Variants in MTBP observed in about 807,000 individuals in gnomAD.
The protein encoded by MTBP is mdm2-binding protein.
Under a neutral mutation model 117.0 loss-of-function variants are expected in MTBP, and 101 were observed. That is an observed-to-expected ratio of 0.86 (90% CI 0.73 to 1.02). The LOEUF (loss-of-function observed/expected upper bound fraction) is 1.02. Among genes scored for constraint, MTBP ranks in the 50% least tolerant of loss-of-function variants. The pLI, the probability that MTBP is intolerant of heterozygous loss-of-function variation, is 0.00. For missense variants in MTBP, 970 were observed against 1,030.9 expected, an observed-to-expected ratio of 0.94 and a Z score of 0.81; for synonymous variants, 350 against 351.5, an observed-to-expected ratio of 1.00 and a Z score of 0.05.
intron 16 of MTBP, 52 bp from the exon 17 acceptor site, chr8:120,509,882 C>CT (rs1814764647): frequency 2.0e-5 from 25 of 1,280,126 alleles, no homozygotes; most frequent in Non-Finnish European, 2.8e-5. Context: ...CTTTAACTTT[C>CT]TTTTTGTCAG....
chr8:120,471,088 A>C (rs1372419684), intron 11 of MTBP, 151 bp downstream of exon 11: 1 of 564,880 alleles, frequency 1.8e-6, no homozygotes, highest in Non-Finnish European at 3.1e-6. Context: ...TAAGATTTTT[A>C]ATTGCAACCT....
chr8:120,514,427 T>C (rs1814878662), intron 17 of MTBP, among the ~76,000 whole-genome samples: 1 of 152,082 alleles, frequency 6.6e-6, no homozygotes, highest in African/African-American at 2.4e-5. Context: ...AGTAGTTTTT[T>C]AAGAATCACC....
intron 13 of MTBP, among the ~76,000 whole-genome samples, chr8:120,492,787 TC>T (rs2130587915): frequency 6.6e-6 from 1 of 152,298 alleles, no homozygotes; most frequent in African/African-American, 2.4e-5. Context: ...TAGTTTATTT[TC>T]ATTAATTTTA....
chr8:120,504,690 A>G (rs1814656942), intron 15 of MTBP, among the ~76,000 whole-genome samples: 1 of 151,950 alleles, frequency 6.6e-6, no homozygotes, highest in Non-Finnish European at 1.5e-5. Flanking sequence ...TATTTCTTCA[A>G]TACTATTCTT....
At chr8:120,448,183 T>G (rs1813266752) in intron 2 of MTBP, among the ~76,000 whole-genome samples, 1 of 152,188 alleles carries the variant, frequency 6.6e-6, no homozygotes, top group Non-Finnish European at 1.5e-5. Context: ...CCACCTGTTT[T>G]GGCCTCCCAA....
rs1435219661 is a variant in MTBP, at chr8:120,464,727, G to T, written c.1047+966G>T. 2.0e-5 allele frequency among the ~76,000 whole-genome samples: 3 copies of T among 151,950 alleles called. No homozygotes were observed. In the East Asian group the frequency reaches 5.8e-4, roughly 29 times the overall value. On this transcript the variant is annotated intron_variant, in intron 10 of 21. Transcript: ENST00000305949. ...GAATAGGACGACAAAGTATTTATTT[G>T]ATGAAGTGGCCTTTACCAATATTAA...
intron 7 of MTBP, 25 bp downstream of exon 7, chr8:120,456,695 C>A: frequency 1.7e-6 from 2 of 1,197,194 alleles, no homozygotes; most frequent in South Asian, 2.6e-5. Context: ...CACAGTTTGC[C>A]AAGTAGGCCT....
chr8:120,445,626 G>A, intron 1 of MTBP, 38 bp downstream of exon 1: 4 of 1,517,188 alleles, frequency 2.6e-6, no homozygotes, highest in Non-Finnish European at 3.6e-6. Context: ...AACGGCTTGT[G>A]GAGAGGGGAA....
At chr8:120,514,436 C>T (rs889602694) in intron 17 of MTBP, among the ~76,000 whole-genome samples, 28 of 151,970 alleles carry the variant, frequency 1.8e-4, no homozygotes, top group African/African-American at 6.8e-4. Flanking sequence ...TTAAGAATCA[C>T]CCAGGCAGAT....
Position 120,516,125 on chromosome 8 carries a change from T to C in MTBP, c.2180T>C (p.Leu727Pro), listed in dbSNP as rs559604183. 2 of 1,612,824 alleles carry C rather than the reference T, an allele frequency of 1.2e-6. No homozygotes were observed. The highest frequency in any genetic ancestry group is 2.2e-5 in the East Asian group (1 of 44,850). Reference sequence around the variant, plus strand: ...GACGGAGAAGTTTTACAAAATGAACTTCGAACTGAAGTATCCCGATTGAAA... The same window carrying C: ...GACGGAGAAGTTTTACAAAATGAACCTCGAACTGAAGTATCCCGATTGAAA... ...VPDGEVLQNELRTEVSRLKRR... is the reference protein window; with the variant it reads ...VPDGEVLQNEPRTEVSRLKRR... The change falls in exon 18 of 22, where the codon CTT (leucine) becomes CCT (proline). Residue 727 changes from leucine to proline, a missense_variant. Leu to Pro is a moderately conservative substitution (Grantham distance 98). Coordinates refer to ENST00000305949, the MANE Select transcript of MTBP (RefSeq NM_022045.5).
intron 16 of MTBP, among the ~76,000 whole-genome samples, chr8:120,508,875 G>C (rs992053867): frequency 2.0e-5 from 3 of 152,152 alleles, no homozygotes; most frequent in African/African-American, 7.2e-5. Flanking sequence ...TTCCAGCTCA[G>C]AGAAGGACGG....
intron 10 of MTBP, among the ~76,000 whole-genome samples, chr8:120,469,968 C>G (rs1446304853): frequency 6.6e-6 from 1 of 152,148 alleles, no homozygotes; most frequent in African/African-American, 2.4e-5. Flanking sequence ...CAATATAGGA[C>G]AGTTAAAAGT....
chr8:120,478,852 G>A (rs1479212202), intron 11 of MTBP, among the ~76,000 whole-genome samples: 2 of 152,014 alleles, frequency 1.3e-5, no homozygotes, highest in African/African-American at 2.4e-5. Context: ...CGTATGCTAC[G>A]GAATACTATG....
intron 17 of MTBP, 55 bp from the exon 18 acceptor site, chr8:120,515,870 A>T (rs1478310539): frequency 1.3e-6 from 2 of 1,484,190 alleles, no homozygotes; most frequent in Non-Finnish European, 1.8e-6. Flanking sequence ...TTGAAAGGGG[A>T]AAGTCTGTTG....
chr8:120,474,375 ACT>A (rs1813889269), intron 11 of MTBP, among the ~76,000 whole-genome samples: 1 of 152,030 alleles, frequency 6.6e-6, no homozygotes, highest in South Asian at 2.1e-4. Context: ...CATTGATGGA[ACT>A]TTTTTTTGTA....
At chr8:120,464,953 A>G (rs10102834) in intron 10 of MTBP, among the ~76,000 whole-genome samples, 87,112 of 151,886 alleles carry the variant, frequency 0.57, 26,473 homozygotes, top group Non-Finnish European at 0.67. Flanking sequence ...ATAAATAACT[A>G]CAGACATAAT....
intron 11 of MTBP, chr8:120,472,931 G>A (rs1009439117): frequency 1.3e-5 from 2 of 152,160 alleles, no homozygotes; most frequent in South Asian, 2.1e-4. Context: ...TAAAGAACAT[G>A]GCTAGAGAAG....
chr8:120,510,061 A>G (rs1046142636), intron 17 of MTBP, 32 bp downstream of exon 17: 3 of 1,416,990 alleles, frequency 2.1e-6, no homozygotes, highest in African/African-American at 1.4e-5. Flanking sequence ...ACTCTTCTGT[A>G]TGTTGTTGAT....
chr8:120,456,550 T>C lies in MTBP; in HGVS notation c.630-3T>C, dbSNP rs1323558252. 1 of 1,433,332 alleles carries C rather than the reference T, an allele frequency of 7.0e-7. No homozygotes were observed. The highest frequency in any genetic ancestry group is 9.7e-7 in the Non-Finnish European group (1 of 1,029,600). 88.8% of individuals were successfully genotyped at this position (1,433,332 alleles called of 1,614,324 possible). On this transcript the variant is annotated splice_polypyrimidine_tract_variant and splice_region_variant and intron_variant, in intron 6 of 21. Coordinates refer to ENST00000305949, the MANE Select transcript of MTBP (RefSeq NM_022045.5). ...TTTAATTGTTGTAATCTTTTTTTTA[T>C]AGAAACTGTCAGAAAATTGCAGAAT...
Sources: gnomAD v4.1 joint callset for allele counts (sites outside exome capture counted in the v4.1 genomes callset) on GRCh38, gnomAD v4.1.1 for gene constraint, MANE v1.5 for transcripts, NCBI Gene and HGNC (gene_info 2026-07-23, HGNC 2026-07-21) for gene names.